SCARA5: variants seen among roughly 807,000 people sequenced by gnomAD.
SCARA5 encodes scavenger receptor class A member 5.
SCARA5 carries 45 observed loss-of-function variants against 46.3 expected under a neutral mutation model. The ratio of observed to expected loss-of-function variants is 0.97; its 90% confidence interval spans 0.76 to 1.24. The LOEUF (loss-of-function observed/expected upper bound fraction) is 1.24, where lower values mean the gene tolerates loss of function less well. SCARA5 is among the 50% of genes most tolerant of loss of function. The pLI, the probability that SCARA5 is intolerant of heterozygous loss-of-function variation, is 0.00. For synonymous variants in SCARA5, 333 were observed against 306.5 expected, an observed-to-expected ratio of 1.09 and a Z score of -0.90; for missense variants, 680 against 689.0, an observed-to-expected ratio of 0.99 and a Z score of 0.15.
Position 27,871,813 on chromosome 8 carries a change from A to G in SCARA5, c.*121T>C, listed in dbSNP as rs1041346710. ...ACGGTCCTGGGATGCAGGTGTGAGG[A>G]CTGAGAATGCTGGACGGGGTGTGGT... is the stretch of plus-strand genomic sequence containing the variant. On this transcript the variant is annotated 3_prime_UTR_variant, in exon 9 of 9. Transcript: ENST00000354914. 7 of 1,553,288 alleles carry G rather than the reference A, an allele frequency of 4.5e-6. No homozygotes were observed. In the African/African-American group the frequency reaches 9.5e-5, roughly 21 times the overall value.
chr8:27,901,024 A>G (rs887790855), intron 7 of SCARA5, among the ~76,000 whole-genome samples: 1 of 152,012 alleles, frequency 6.6e-6, no homozygotes, highest in African/African-American at 2.4e-5. Flanking sequence ...GGCGAGAGAG[A>G]GGAATGGGTC....
intron 1 of SCARA5, among the ~76,000 whole-genome samples, chr8:27,987,919 G>T (rs946559537): frequency 6.6e-6 from 1 of 152,208 alleles, no homozygotes; most frequent in African/African-American, 2.4e-5. Context: ...TCTCAGTGGG[G>T]CTGGAATCCT....
intron 3 of SCARA5, among the ~76,000 whole-genome samples, chr8:27,936,880 C>T (rs1470753615): frequency 6.6e-6 from 1 of 152,128 alleles, no homozygotes; most frequent in Non-Finnish European, 1.5e-5. Flanking sequence ...CCCTAGCATT[C>T]CCTATTGGTG....
intron 7 of SCARA5, among the ~76,000 whole-genome samples, chr8:27,895,360 T>G (rs1371904484): frequency 6.6e-6 from 1 of 152,202 alleles, no homozygotes; most frequent in Non-Finnish European, 1.5e-5. Flanking sequence ...ATGTGATCCA[T>G]ATGGGAAGGA....
chr8:27,923,543 GTTGT>G (rs903687047), intron 3 of SCARA5, among the ~76,000 whole-genome samples: 1 of 152,094 alleles, frequency 6.6e-6, no homozygotes, highest in Non-Finnish European at 1.5e-5. Flanking sequence ...ACTTCTTTGT[GTTGT>G]TTGTTTGTTG....
intron 2 of SCARA5, among the ~76,000 whole-genome samples, chr8:27,972,295 C>T (rs947207060): frequency 1.6e-4 from 24 of 151,566 alleles, no homozygotes; most frequent in Admixed American, 3.3e-4. Flanking sequence ...CCAGTCTGGG[C>T]GACAAAGTGA....
At chr8:27,890,149 A>G (rs190510114) in intron 7 of SCARA5, among the ~76,000 whole-genome samples, 1 of 152,374 alleles carries the variant, frequency 6.6e-6, no homozygotes, top group African/African-American at 2.4e-5. Context: ...ACAGAATGTC[A>G]AAGCTGGCAG....
chr8:27,927,670 A>T (rs1172378448), intron 3 of SCARA5, among the ~76,000 whole-genome samples: 1 of 152,174 alleles, frequency 6.6e-6, no homozygotes, highest in African/African-American at 2.4e-5. Context: ...AAACGCAGAA[A>T]GGTTCCTCCC....
chr8:27,984,477 CATTCATTCATCTATTTATTT>C, intron 2 of SCARA5, among the ~76,000 whole-genome samples: 1 of 139,664 alleles, frequency 7.2e-6, no homozygotes, highest in Non-Finnish European at 1.6e-5. Context: ...TCCATCCATT[CATTCATTCATCTATTTATTT>C]ATTCATTCAT....
intron 2 of SCARA5, among the ~76,000 whole-genome samples, chr8:27,984,412 A>G (rs900804556): frequency 6.6e-6 from 1 of 152,258 alleles, no homozygotes; most frequent in African/African-American, 2.4e-5. Flanking sequence ...TTCGGCAATC[A>G]GGTGTAGATG....
chr8:27,942,556 G>A (rs1807968338), intron 3 of SCARA5, among the ~76,000 whole-genome samples: 1 of 152,156 alleles, frequency 6.6e-6, no homozygotes. Context: ...ATCCAGAGCT[G>A]CCTTCCGATG....
In SCARA5 at chr8:27,943,080, G is replaced by A. The variant is rs1012619970; in HGVS notation, c.242-20835C>T. Reference sequence around the variant, plus strand: ...ATAGGAAGCCAGTGGTGGGAGAGGTGCAGTCCTGTGATGCCTTGAAGGAGC... The same window carrying A: ...ATAGGAAGCCAGTGGTGGGAGAGGTACAGTCCTGTGATGCCTTGAAGGAGC... On this transcript the variant is annotated intron_variant, in intron 3 of 8. Coordinates refer to ENST00000354914, the MANE Select transcript of SCARA5 (RefSeq NM_173833.6). Among the ~76,000 whole-genome samples the A allele has an allele frequency of 3.3e-5, 5 of 152,162 alleles. No individual in the cohort carries two copies. In the East Asian group the frequency reaches 7.7e-4, roughly 23 times the overall value.
intron 4 of SCARA5, among the ~76,000 whole-genome samples, chr8:27,919,208 A>T (rs1807541270): frequency 7.9e-6 from 1 of 126,330 alleles, no homozygotes; most frequent in African/African-American, 3.5e-5. Context: ...AGGAGGGAAT[A>T]GAGAAAGAAG....
intron 7 of SCARA5, among the ~76,000 whole-genome samples, chr8:27,893,573 C>T (rs564296795): frequency 6.6e-6 from 1 of 152,280 alleles, no homozygotes; most frequent in East Asian, 1.9e-4. Context: ...CTCCCCTCTA[C>T]TTCAAACACA....
rs141566786 is a variant in SCARA5 at position 27,967,537 on chromosome 8, T to A, written c.113-995A>T. ...GGGCGGCGGGGGGACGGCATTTTTT[T>A]AAAAAATGCTTATCCCTTTAATGCT... On this transcript the variant is annotated intron_variant, in intron 2 of 8. Coordinates refer to ENST00000354914, the MANE Select transcript of SCARA5 (RefSeq NM_173833.6). Among the ~76,000 whole-genome samples, 698 of 152,156 alleles carry A rather than the reference T, an allele frequency of 4.6e-3. 21 individuals are homozygous for A. In the East Asian group the frequency reaches 0.054, roughly 12 times the overall value.
At position 27,921,866 on chromosome 8, in the gene SCARA5, G is replaced by A. The variant is rs1287341017; in HGVS notation, c.621C>T (p.Asp207=). The A allele has an allele frequency of 8.6e-6, 13 of 1,511,218 alleles. No homozygotes were observed. The highest frequency in any genetic ancestry group is 3.9e-5 in the South Asian group (3 of 76,876). 93.6% of individuals were successfully genotyped at this position (1,511,218 alleles called of 1,614,324 possible). ...GGATGCCCACCCTGCGCGCCAGCCC[G>A]TCCAGCAGGCCCGCGTGGCGCCTCA... The part of the protein sequence containing the change: ...LLLRRHAGLL[D]GLARRVGILG... The change falls in exon 4 of 9, where the codon GAC becomes GAT. Residue 207 remains aspartate (D), a synonymous_variant. Coordinates refer to ENST00000354914, the MANE Select transcript of SCARA5 (RefSeq NM_173833.6).
chr8:27,913,057 A>T (rs1807403000), intron 4 of SCARA5, among the ~76,000 whole-genome samples: 1 of 152,180 alleles, frequency 6.6e-6, no homozygotes, highest in Non-Finnish European at 1.5e-5. Flanking sequence ...ACCTCCTCAG[A>T]ACCATTATAG....
At chr8:27,986,938 C>T (rs566063743) in intron 2 of SCARA5, among the ~76,000 whole-genome samples, 10 of 152,322 alleles carry the variant, frequency 6.6e-5, no homozygotes, top group East Asian at 5.8e-4. Context: ...GCTCTGGGCT[C>T]CTCCAAAGGA....
intron 6 of SCARA5, among the ~76,000 whole-genome samples, chr8:27,906,197 G>C (rs1280955053): frequency 6.6e-6 from 1 of 152,202 alleles, no homozygotes; most frequent in Admixed American, 6.5e-5. Context: ...ATGATTAGCA[G>C]TACTTTTTTC....
Sources: allele counts gnomAD v4.1 joint callset (sites outside exome capture counted in the v4.1 genomes callset), GRCh38; gene constraint gnomAD v4.1.1; transcripts MANE v1.5; gene names NCBI Gene and HGNC (gene_info 2026-07-23, HGNC 2026-07-21).